The following STAC variants were observed in gnomAD, a reference collection of about 807,000 sequenced individuals.
STAC encodes SH3 and cysteine rich domain, also known as SH3 and cysteine-rich domain-containing protein.
A neutral mutation model predicts 48.8 loss-of-function variants in STAC; 43 were observed. That is an observed-to-expected ratio of 0.88 (90% CI 0.69 to 1.14). STAC has a LOEUF of 1.14. Ranked by LOEUF, STAC falls within the 50% of genes most tolerant of loss-of-function variation. The pLI is 0.00. For missense variants in STAC, 497 were observed against 504.0 expected (o/e 0.99, Z 0.13); for synonymous variants, 193 against 179.5 (o/e 1.07, Z -0.60).
Position 36,530,593 on chromosome 3 carries a change from CTTT to C in STAC, c.1110+1625_1110+1627del, listed in dbSNP as rs577222686. On this transcript the variant is annotated intron_variant, in intron 10 of 10. Coordinates refer to ENST00000273183, the MANE Select transcript of STAC (RefSeq NM_003149.3). ...AATTCACCTTTTCTTTTTTTTTTTTCTTTTTTTTTTTTTTTTTTTGAGACGGAG... is the reference window on the plus strand; with the variant it reads ...AATTCACCTTTTCTTTTTTTTTTTTCTTTTTTTTTTTTTTTTGAGACGGAG... Among the ~76,000 whole-genome samples the C allele has an allele frequency of 3.6e-3, 259 of 72,066 alleles. 1 individual carries two copies. The Middle Eastern group carries it at 0.04, about 11-fold the overall frequency. The allele number at this position is 72,066 out of a possible 152,430, so 47.3% of individuals were successfully genotyped here. A position where few individuals can be genotyped will look rare whatever the true frequency, so the allele number is the denominator to read the frequency against.
chr3:36,381,969 C>A (rs1055233241), intron 1 of STAC, among the ~76,000 whole-genome samples: 1 of 152,234 alleles, frequency 6.6e-6, no homozygotes, highest in African/African-American at 2.4e-5. Flanking sequence ...AAAGCCCCAA[C>A]TTCCAGAGAC....
intron 1 of STAC, among the ~76,000 whole-genome samples, chr3:36,431,380 C>A (rs985116956): frequency 6.6e-6 from 1 of 152,172 alleles, no homozygotes; most frequent in African/African-American, 2.4e-5. Context: ...GTGGCCACTG[C>A]CGCCCGTGTT....
intron 1 of STAC, among the ~76,000 whole-genome samples, chr3:36,442,579 T>A (rs60818596): frequency 0.015 from 2,304 of 152,264 alleles, 30 homozygotes; most frequent in African/African-American, 0.022. Context: ...TCAAACCCAG[T>A]CCTGCCAGAA....
intron 2 of STAC, among the ~76,000 whole-genome samples, chr3:36,482,179 A>G (rs1697666217): frequency 6.6e-6 from 1 of 152,126 alleles, no homozygotes; most frequent in African/African-American, 2.4e-5. Flanking sequence ...GAACACACCC[A>G]TTTTAACATC....
intron 6 of STAC, among the ~76,000 whole-genome samples, chr3:36,493,469 T>TA (rs1178597259): frequency 6.9e-6 from 1 of 145,876 alleles, no homozygotes; most frequent in Non-Finnish European, 1.5e-5. Flanking sequence ...TATTTACTCT[T>TA]ATGAGAGTAT....
intron 2 of STAC, among the ~76,000 whole-genome samples, chr3:36,461,979 T>C (rs1697031500): frequency 6.6e-6 from 1 of 151,992 alleles, no homozygotes; most frequent in Admixed American, 6.6e-5. Context: ...ATGTGAAAAA[T>C]AGACTTCAAT....
chr3:36,492,029 AAAATAT>A (rs1697991573), intron 5 of STAC, among the ~76,000 whole-genome samples: 1 of 14,438 alleles, frequency 6.9e-5, no homozygotes, highest in African/African-American at 1.6e-4. Context: ...AAAAAAAAAA[AAAATAT>A]ATATATATAT....
chr3:36,398,455 GGAAGGAAGGAA>G, intron 1 of STAC, among the ~76,000 whole-genome samples: 1 of 119,720 alleles, frequency 8.4e-6, no homozygotes. Flanking sequence ...AAGGAAGGAA[GGAAGGAAGGAA>G]GGAAGGAAGG....
chr3:36,481,640 T>C (rs1050052756), intron 2 of STAC, among the ~76,000 whole-genome samples: 7 of 152,194 alleles, frequency 4.6e-5, no homozygotes, highest in African/African-American at 1.7e-4. Context: ...CTCCAGGTTG[T>C]CATCTTGCAT....
chr3:36,380,988 G>A (rs1575165349), intron 1 of STAC, among the ~76,000 whole-genome samples: 2 of 150,766 alleles, frequency 1.3e-5, no homozygotes, highest in Admixed American at 1.3e-4. Context: ...GGTGGCTCCG[G>A]GTTCAGAGAT....
At chr3:36,484,943 C>T (rs1460889889) in intron 3 of STAC, 34 bp from the exon 4 acceptor site, 13 of 1,555,986 alleles carry the variant, frequency 8.4e-6, no homozygotes, top group Non-Finnish European at 9.6e-6. Context: ...TCTCCAGTGA[C>T]ATTAACCCCT....
intron 1 of STAC, among the ~76,000 whole-genome samples, chr3:36,424,199 T>C (rs1700512331): frequency 6.6e-6 from 1 of 152,130 alleles, no homozygotes; most frequent in Non-Finnish European, 1.5e-5. Context: ...TTTAAGTAGA[T>C]TCTCTGTTCT....
chr3:36,412,786 C>T (rs58177147), intron 1 of STAC, among the ~76,000 whole-genome samples: 3,538 of 152,166 alleles, frequency 0.023, 60 homozygotes, highest in East Asian at 0.026. Context: ...TAAAATATTA[C>T]GTATTTTTTT....
intron 1 of STAC, among the ~76,000 whole-genome samples, chr3:36,392,760 C>A (rs1460504948): frequency 1.3e-5 from 2 of 152,150 alleles, no homozygotes; most frequent in Non-Finnish European, 2.9e-5. Context: ...TATTGTCTCT[C>A]TTCCCTTAAA....
rs55874122 is a variant in STAC, at chr3:36,443,870, T to C, written c.388+230T>C. Among the ~76,000 whole-genome samples, 1 of 152,228 alleles carries C rather than the reference T, an allele frequency of 6.6e-6. No homozygotes were observed. Among genetic ancestry groups the C allele is most frequent in the African/African-American group, 2.4e-5 (1 of 41,458 alleles). Reference sequence around the variant, plus strand: ...ATATAGTTGTAATCAGGACTTCAGCTGATCCCCTGTAGATCCCTAAAGCCC... The same window carrying C: ...ATATAGTTGTAATCAGGACTTCAGCCGATCCCCTGTAGATCCCTAAAGCCC... On this transcript the variant is annotated intron_variant, in intron 2 of 10. Transcript: ENST00000273183. This position sits in a 1 kb window ranked among gnomAD's most constrained non-coding sequence, Gnocchi z 4.2.
intron 8 of STAC, among the ~76,000 whole-genome samples, chr3:36,508,906 G>T: frequency 6.6e-6 from 1 of 152,120 alleles, no homozygotes; most frequent in East Asian, 1.9e-4. Context: ...GGGGCACTTA[G>T]CCCATTTTCA....
chr3:36,500,259 G>C (rs1419824323), intron 6 of STAC, among the ~76,000 whole-genome samples: 1 of 152,186 alleles, frequency 6.6e-6, no homozygotes, highest in African/African-American at 2.4e-5. Flanking sequence ...GGAATACTAT[G>C]CAGCCATAAA....
chr3:36,513,542 A>C (rs867736188), intron 8 of STAC, among the ~76,000 whole-genome samples: 19 of 152,240 alleles, frequency 1.2e-4, no homozygotes, highest in Middle Eastern at 3.4e-3. Context: ...ATAGTGCACT[A>C]AGGTAACAGT....
At chr3:36,442,580 C>T (rs1228114021) in intron 1 of STAC, among the ~76,000 whole-genome samples, 1 of 152,132 alleles carries the variant, frequency 6.6e-6, no homozygotes, top group Non-Finnish European at 1.5e-5. Flanking sequence ...CAAACCCAGT[C>T]CTGCCAGAAT....
Sources: allele counts gnomAD v4.1 joint callset (sites outside exome capture counted in the v4.1 genomes callset), GRCh38; gene constraint gnomAD v4.1.1; non-coding constraint Gnocchi (gnomAD v3.1); transcripts MANE v1.5; gene names NCBI Gene and HGNC (gene_info 2026-07-23, HGNC 2026-07-21).